Variants in IQCK observed in about 807,000 individuals in gnomAD.
IQCK encodes the protein IQ motif containing K.
A neutral mutation model predicts 28.1 loss-of-function variants in IQCK; 29 were observed. That is an observed-to-expected ratio of 1.03 (90% CI 0.77 to 1.41). IQCK has a LOEUF of 1.41. IQCK is among the 40% of genes most tolerant of loss of function. IQCK has a pLI of 0.00. For missense variants in IQCK, 359 were observed against 314.7 expected, an observed-to-expected ratio of 1.14 and a Z score of -1.07; for synonymous variants, 113 against 115.1, an observed-to-expected ratio of 0.98 and a Z score of 0.12.
intron 7 of IQCK, among the ~76,000 whole-genome samples, chr16:19,796,474 GTTTA>G (rs533247341): frequency 9.1e-6 from 1 of 109,660 alleles, no homozygotes; most frequent in Non-Finnish European, 1.6e-5. Flanking sequence ...TCGTTCGTTC[GTTTA>G]TTTATTTATT....
In IQCK at chr16:19,764,020, T is replaced by C. The variant is rs2055191542; in HGVS notation, c.528-15T>C. On this transcript the variant is annotated splice_polypyrimidine_tract_variant and intron_variant, in intron 5 of 7. Coordinates refer to ENST00000564186, the Ensembl canonical transcript of IQCK. ...ATTGTTTTCTTGTCAATCAAACATA[T>C]GGCATCATGACCAGCCAAAATCCAA... 1 of 1,613,158 alleles carries C rather than the reference T, an allele frequency of 6.2e-7. No homozygotes were observed. The highest frequency in any genetic ancestry group is 8.5e-7 in the Non-Finnish European group (1 of 1,179,086).
At chr16:19,824,888 G>C (rs181817059) in intron 7 of IQCK, among the ~76,000 whole-genome samples, 3 of 152,112 alleles carry the variant, frequency 2.0e-5, no homozygotes, top group Non-Finnish European at 4.4e-5. Context: ...TCTCTCCCAG[G>C]AACACAATTA....
intron 9 of IQCK, among the ~76,000 whole-genome samples, chr16:19,835,028 G>A (rs2056277379): frequency 6.6e-6 from 1 of 152,192 alleles, no homozygotes; most frequent in African/African-American, 2.4e-5. Context: ...ACTTTGGGAG[G>A]CCGAGGCAGG....
intron 9 of IQCK, among the ~76,000 whole-genome samples, chr16:19,855,130 A>T (rs2141129647): frequency 6.6e-6 from 1 of 152,268 alleles, no homozygotes; most frequent in Non-Finnish European, 1.5e-5. Context: ...CTTGTTTGGC[A>T]CCTGGGGAGT....
chr16:19,729,754 C>G (rs1365448095), intron 1 of IQCK, among the ~76,000 whole-genome samples: 1 of 151,654 alleles, frequency 6.6e-6, no homozygotes, highest in African/African-American at 2.4e-5. Context: ...ACGCCATTCT[C>G]CTGCCTCAGC....
At chr16:19,759,858 C>T (rs2055111798) in intron 4 of IQCK, among the ~76,000 whole-genome samples, 1 of 152,096 alleles carries the variant, frequency 6.6e-6, no homozygotes, top group African/African-American at 2.4e-5. Context: ...TGGTGCATGC[C>T]TGTAGTCCCA....
chr16:19,779,427 G>A (rs1424611517), intron 6 of IQCK, among the ~76,000 whole-genome samples: 3 of 152,088 alleles, frequency 2.0e-5, no homozygotes, highest in African/African-American at 7.2e-5. Context: ...AACAGAGTAG[G>A]GGAAATAACA....
rs1048183648 is a variant in IQCK, at chr16:19,763,681, G to T, written c.475-167G>T. 7.2e-5 allele frequency among the ~76,000 whole-genome samples: 11 copies of T among 152,172 alleles called. 1 individual carries two copies. The highest frequency in any genetic ancestry group is 1.3e-4 in the Non-Finnish European group (9 of 68,038). ...TGGTCTCGAACTCCTGACCTCAAGT[G>T]ATCCACCCGCCTCGGTCTCCCAAAG... On this transcript the variant is annotated intron_variant, in intron 4 of 7. Transcript: ENST00000564186.
intron 1 of IQCK, among the ~76,000 whole-genome samples, chr16:19,723,851 T>C (rs537051830): frequency 6.6e-6 from 1 of 151,986 alleles, no homozygotes; most frequent in East Asian, 1.9e-4. Flanking sequence ...TCCCAGCTAC[T>C]CAGGAGGCTG....
chr16:19,758,411 C>T (rs1040253762), intron 4 of IQCK, among the ~76,000 whole-genome samples: 7 of 152,122 alleles, frequency 4.6e-5, no homozygotes, highest in African/African-American at 7.2e-5. Context: ...TGTGCATGAC[C>T]GTCATACATC....
intron 4 of IQCK, among the ~76,000 whole-genome samples, chr16:19,758,568 A>G (rs1336315067): frequency 5.3e-5 from 8 of 152,210 alleles, no homozygotes; most frequent in Non-Finnish European, 1.2e-4. Flanking sequence ...GCCATCCTAC[A>G]ATTGCCAGAT....
chr16:19,822,322 G>T (rs1292762960), intron 7 of IQCK, among the ~76,000 whole-genome samples: 1 of 144,198 alleles, frequency 6.9e-6, no homozygotes, highest in East Asian at 2.1e-4. Flanking sequence ...GGAGGCAGAG[G>T]TTGCAGTGAG....
downstream of IQCK, among the ~76,000 whole-genome samples, chr16:19,830,258 G>A (rs2056213432): frequency 1.3e-5 from 2 of 152,222 alleles, no homozygotes; most frequent in Admixed American, 1.3e-4. Flanking sequence ...TCAGTTTAAA[G>A]GTCGAGGAAA....
intron 4 of IQCK, chr16:19,761,327 T>C (rs1054359321): frequency 2.5e-5 from 11 of 445,690 alleles, no homozygotes; most frequent in Non-Finnish European, 4.0e-5. Context: ...CTCCTTCATC[T>C]CTCTGGTCTC....
At chr16:19,768,932 G>A (rs931531067) in intron 6 of IQCK, among the ~76,000 whole-genome samples, 4 of 152,270 alleles carry the variant, frequency 2.6e-5, no homozygotes, top group African/African-American at 7.2e-5. Context: ...CTGGGTGGTC[G>A]TGGTTCAGAG....
At chr16:19,737,712 C>T (rs1173784349) in intron 4 of IQCK, among the ~76,000 whole-genome samples, 3 of 152,078 alleles carry the variant, frequency 2.0e-5, no homozygotes, top group African/African-American at 4.8e-5. Flanking sequence ...TGGTTCCTTC[C>T]TTCCTTTCTC....
At chr16:19,733,388 T>G (rs1977903212) in intron 2 of IQCK, among the ~76,000 whole-genome samples, 1 of 152,068 alleles carries the variant, frequency 6.6e-6, no homozygotes, top group Non-Finnish European at 1.5e-5. Context: ...ATCCATCTGC[T>G]TTGGCTTCCC....
At chr16:19,783,749 A>G (rs755461893) in intron 6 of IQCK, among the ~76,000 whole-genome samples, 2 of 152,158 alleles carry the variant, frequency 1.3e-5, no homozygotes, top group Non-Finnish European at 2.9e-5. Context: ...GGAACTAGAC[A>G]GCGCCCCATT....
rs551617042 is a variant in IQCK, at chr16:19,825,039, A to T, written c.691-1987A>T. On this transcript the variant is annotated intron_variant, in intron 7 of 7. Coordinates refer to ENST00000564186, the Ensembl canonical transcript of IQCK. This position sits in a 1 kb window ranked among gnomAD's most constrained non-coding sequence, Gnocchi z 4.2. ...AACTTCCCTAGTCTTACCATACCTT[A>T]TTGATCTTATTCCTGTGTCTCCTCC... Among the ~76,000 whole-genome samples the T allele has an allele frequency of 1.3e-5, 2 of 152,100 alleles. No homozygotes were observed. Among genetic ancestry groups the T allele is most frequent in the African/African-American group, 4.8e-5 (2 of 41,490 alleles).
Sources: allele counts gnomAD v4.1 joint callset (sites outside exome capture counted in the v4.1 genomes callset), GRCh38; gene constraint gnomAD v4.1.1; non-coding constraint Gnocchi (gnomAD v3.1); transcripts MANE v1.5; gene names NCBI Gene and HGNC (gene_info 2026-07-23, HGNC 2026-07-21).